Variants in SLC35D4 observed in about 807,000 individuals in gnomAD.
SLC35D4 encodes the protein UDP-N-acetylglucosamine transporter SLC35D4.
At chr18:23,356,022 G>T in the SLC35D4 span, among the ~76,000 whole-genome samples, 1 of 152,186 alleles carries the variant, frequency 6.6e-6, no homozygotes, top group Non-Finnish European at 1.5e-5. The surrounding 1 kb of genome is among the most constrained non-coding windows in gnomAD (Gnocchi z 4.1). Flanking sequence ...ACTTCTGTGT[G>T]TTCAGATGTA....
At chr18:23,385,121 A>G in the SLC35D4 span, 2 of 1,534,956 alleles carry the variant, frequency 1.3e-6, no homozygotes, top group South Asian at 2.3e-5. Flanking sequence ...TCTCATAATC[A>G]TATGGTTCTT....
the SLC35D4 span, among the ~76,000 whole-genome samples, chr18:23,420,344 G>A: frequency 6.6e-6 from 1 of 151,924 alleles, no homozygotes; most frequent in South Asian, 2.1e-4. Context: ...TAATGGGTAG[G>A]GGAGTTCATT....
the SLC35D4 span, among the ~76,000 whole-genome samples, chr18:23,332,459 A>G: frequency 6.6e-6 from 1 of 152,198 alleles, no homozygotes; most frequent in African/African-American, 2.4e-5. Context: ...TAAAGCATAA[A>G]TATCATTCTA....
the SLC35D4 span, among the ~76,000 whole-genome samples, chr18:23,389,517 G>C: frequency 6.6e-6 from 1 of 152,118 alleles, no homozygotes; most frequent in Non-Finnish European, 1.5e-5. Flanking sequence ...AGCCTGTGTA[G>C]GGCTCTATTA....
chr18:23,385,206 T>C, the SLC35D4 span: 1 of 707,006 alleles, frequency 1.4e-6, no homozygotes, highest in Non-Finnish European at 2.3e-6. Context: ...CAAAGACTTC[T>C]ACATGGATTA....
At chr18:23,353,079 G>GTGTGTGTGTGTGTGTGTA in the SLC35D4 span, among the ~76,000 whole-genome samples, 1 of 87,362 alleles carries the variant, frequency 1.1e-5, no homozygotes, top group South Asian at 3.5e-4. Context: ...GACAGACAGT[G>GTGTGTGTGTGTGTGTGTA]TGTGTGTGTG....
chr18:23,413,136 T>C, the SLC35D4 span, among the ~76,000 whole-genome samples: 1 of 152,364 alleles, frequency 6.6e-6, no homozygotes, highest in African/African-American at 2.4e-5. Flanking sequence ...CCCAGAGTGT[T>C]GGGATTACAG....
chr18:23,427,555 T>A, the SLC35D4 span, among the ~76,000 whole-genome samples: 1 of 152,134 alleles, frequency 6.6e-6, no homozygotes, highest in African/African-American at 2.4e-5. Context: ...ATAGGAACAC[T>A]TTTACACTGT....
chr18:23,358,636 T>C, the SLC35D4 span, among the ~76,000 whole-genome samples: 2 of 152,152 alleles, frequency 1.3e-5, no homozygotes, highest in Non-Finnish European at 2.9e-5. Flanking sequence ...CCTCCTAGAA[T>C]TAGCGAGTCC....
At chr18:23,297,618 T>C in the SLC35D4 span, 1 of 180,448 alleles carries the variant, frequency 5.5e-6, no homozygotes, top group Non-Finnish European at 1.2e-5. Context: ...AAGCAGTGTT[T>C]GGGAGAGAGC....
the SLC35D4 span, among the ~76,000 whole-genome samples, chr18:23,294,567 G>C: frequency 6.6e-6 from 1 of 152,096 alleles, no homozygotes; most frequent in East Asian, 1.9e-4. Flanking sequence ...ACAACAGGCA[G>C]GGGGCAACAT....
At chr18:23,322,596 G>A in the SLC35D4 span, among the ~76,000 whole-genome samples, 1 of 152,212 alleles carries the variant, frequency 6.6e-6, no homozygotes. Context: ...CTGAAATGGA[G>A]TTTCACAGAA....
the SLC35D4 span, among the ~76,000 whole-genome samples, chr18:23,358,150 C>T: frequency 1.2e-4 from 18 of 152,272 alleles, no homozygotes; most frequent in South Asian, 3.3e-3. Context: ...GAATTCGTTC[C>T]GTCTCTTTGG....
the SLC35D4 span, among the ~76,000 whole-genome samples, chr18:23,312,652 C>T: frequency 6.6e-6 from 1 of 152,126 alleles, no homozygotes; most frequent in African/African-American, 2.4e-5. Context: ...TGTGTTCTCT[C>T]CCCAGCACGT....
chr18:23,318,106 A>G, the SLC35D4 span, among the ~76,000 whole-genome samples: 1 of 152,180 alleles, frequency 6.6e-6, no homozygotes, highest in South Asian at 2.1e-4. Context: ...CATCCTGGTT[A>G]TCTTTCTTTT....
the SLC35D4 span, chr18:23,437,845 A>G: frequency 1.2e-6 from 2 of 1,612,770 alleles, no homozygotes; most frequent in East Asian, 2.2e-5. Context: ...AGACCTCCTC[A>G]CGCACATCTG....
the SLC35D4 span, among the ~76,000 whole-genome samples, chr18:23,375,123 A>T: frequency 6.7e-6 from 1 of 150,288 alleles, no homozygotes; most frequent in African/African-American, 2.4e-5. Flanking sequence ...TCAAAAAAAA[A>T]ATAAAAATAA....
At chr18:23,371,935 G>GTTTTTTTGTTT in the SLC35D4 span, among the ~76,000 whole-genome samples, 66 of 35,440 alleles carry the variant, frequency 1.9e-3, 5 homozygotes, top group African/African-American at 7.2e-3. Flanking sequence ...TGTTTTTTTT[G>GTTTTTTTGTTT]TTTTTTTTTT....
chr18:23,300,906 T>C, the SLC35D4 span, among the ~76,000 whole-genome samples: 2 of 152,248 alleles, frequency 1.3e-5, no homozygotes, highest in African/African-American at 4.8e-5. Context: ...GAAGCCTCCA[T>C]CTAAATTTTA....
Sources: gnomAD v4.1 joint callset for allele counts (sites outside exome capture counted in the v4.1 genomes callset) on GRCh38, gnomAD v4.1.1 for gene constraint, Gnocchi (gnomAD v3.1) non-coding constraint, MANE v1.5 for transcripts, NCBI Gene and HGNC (gene_info 2026-07-23, HGNC 2026-07-21) for gene names.